The following IL1R1 variants were observed in gnomAD, a reference collection of about 807,000 sequenced individuals.
IL1R1 encodes interleukin-1 receptor type 1.
Under a neutral mutation model 50.2 loss-of-function variants are expected in IL1R1, and 22 were observed. The observed-to-expected ratio is 0.44, with a 90% CI of 0.31 to 0.63. The LOEUF is 0.63. Among genes scored for constraint, IL1R1 ranks in the 20% least tolerant of loss-of-function variants. The pLI, the probability that IL1R1 is intolerant of heterozygous loss-of-function variation, is 0.07. For synonymous variants in IL1R1, 251 were observed against 236.7 expected, an observed-to-expected ratio of 1.06 and a Z score of -0.55; for missense variants, 509 against 676.2, an observed-to-expected ratio of 0.75 and a Z score of 2.74.
At chr2:102,176,146 C>T in intron 11 of IL1R1, 2 of 530,662 alleles carry the variant, frequency 3.8e-6, no homozygotes, top group Non-Finnish European at 6.6e-6. Context: ...AAGATCACGC[C>T]ACTGCGCTCC....
intron 1 of IL1R1, among the ~76,000 whole-genome samples, chr2:102,076,566 G>T (rs1472830307): frequency 6.6e-6 from 1 of 152,144 alleles, no homozygotes; most frequent in Non-Finnish European, 1.5e-5. Flanking sequence ...ATTTCTGAAA[G>T]ACATTTTTGC....
At chr2:102,159,783 C>T (rs1442656232) in intron 3 of IL1R1, among the ~76,000 whole-genome samples, 2 of 152,282 alleles carry the variant, frequency 1.3e-5, no homozygotes, top group Admixed American at 6.5e-5. Context: ...AACCCTCTCT[C>T]TTCTTGCAAG....
chr2:102,108,239 TGTGG>T lies in IL1R1; in HGVS notation c.-84+3369_-84+3372del, dbSNP rs746846348. 2.4e-3 allele frequency among the ~76,000 whole-genome samples: 365 copies of T among 150,302 alleles called. 6 individuals carry two copies. In the East Asian group the frequency reaches 0.059, roughly 24 times the overall value. On this transcript the variant is annotated intron_variant, in intron 1 of 10. Transcript: ENST00000409329. ...GTGTGTGTGTATGTATGTGTGTGTG[TGTGG>T]GGGGGGGTGTGTATAACATATTTCT...
chr2:102,162,572 A>G (rs914429507), intron 3 of IL1R1, among the ~76,000 whole-genome samples: 1 of 150,804 alleles, frequency 6.6e-6, no homozygotes, highest in African/African-American at 2.4e-5. Context: ...TTTGTTGTGT[A>G]TGTGTTTTTT....
At chr2:102,141,132 GTAGCTTTCAGAAC>G (rs1236206160), upstream of IL1R1, among the ~76,000 whole-genome samples, 1 of 152,200 alleles carries the variant, frequency 6.6e-6, no homozygotes, top group Admixed American at 6.5e-5. Flanking sequence ...CCCACCTGCT[GTAGCTTTCAGAAC>G]TGCCATTTGG....
chr2:102,131,559 T>TA (rs901829871), intron 1 of IL1R1, among the ~76,000 whole-genome samples: 5 of 150,078 alleles, frequency 3.3e-5, no homozygotes, highest in Non-Finnish European at 3.0e-5. Flanking sequence ...ATTTCTGAGG[T>TA]AAAAAAAATG....
chr2:102,078,519 G>A (rs1679071006), intron 1 of IL1R1, among the ~76,000 whole-genome samples: 2 of 143,904 alleles, frequency 1.4e-5, no homozygotes, highest in African/African-American at 2.6e-5. Flanking sequence ...AATCTGAATG[G>A]GACTATAATA....
At chr2:102,099,449 C>T (rs1577838807) in intron 1 of IL1R1, among the ~76,000 whole-genome samples, 3 of 152,306 alleles carry the variant, frequency 2.0e-5, no homozygotes, top group Middle Eastern at 6.8e-3. Flanking sequence ...TCCTGGACGT[C>T]TATCCCATGG....
intron 1 of IL1R1, among the ~76,000 whole-genome samples, chr2:102,132,956 A>G (rs1364191710): frequency 2.6e-5 from 4 of 152,234 alleles, no homozygotes; most frequent in African/African-American, 9.6e-5. Context: ...GTAGTTAAAA[A>G]TCTTCCCACA....
intron 1 of IL1R1, among the ~76,000 whole-genome samples, chr2:102,108,310 T>C (rs1184018818): frequency 6.6e-6 from 1 of 152,082 alleles, no homozygotes; most frequent in Non-Finnish European, 1.5e-5. Context: ...GTTTAGTGTG[T>C]TACAGCAGTG....
chr2:102,098,209 T>A (rs2104330013), intron 1 of IL1R1, among the ~76,000 whole-genome samples: 1 of 152,242 alleles, frequency 6.6e-6, no homozygotes, highest in South Asian at 2.1e-4. Context: ...CCAATATCTA[T>A]TCTTGATACT....
At chr2:102,102,285 G>A, upstream of IL1R1, among the ~76,000 whole-genome samples, 1 of 152,144 alleles carries the variant, frequency 6.6e-6, no homozygotes. Flanking sequence ...GTAAATTGCG[G>A]TGGATCCCTG....
chr2:102,116,835 T>C (rs892992251), intron 1 of IL1R1, among the ~76,000 whole-genome samples: 1 of 152,180 alleles, frequency 6.6e-6, no homozygotes, highest in Non-Finnish European at 1.5e-5. Flanking sequence ...TCCTGGTGTC[T>C]TCTTTATGAC....
intron 1 of IL1R1, among the ~76,000 whole-genome samples, chr2:102,072,852 A>G (rs1266112438): frequency 6.6e-6 from 1 of 151,964 alleles, no homozygotes; most frequent in Non-Finnish European, 1.5e-5. Context: ...ACCATTTCCG[A>G]GTTTAATGTC....
chr2:102,149,054 C>T (rs906171553), intron 1 of IL1R1, among the ~76,000 whole-genome samples: 2 of 152,132 alleles, frequency 1.3e-5, no homozygotes, highest in African/African-American at 2.4e-5. Flanking sequence ...ATGTTTCCAC[C>T]GATTTTCAGT....
chr2:102,175,815 C>T, intron 11 of IL1R1, 170 bp downstream of exon 11: 1 of 675,904 alleles, frequency 1.5e-6, no homozygotes, highest in Non-Finnish European at 2.6e-6. Flanking sequence ...ATTTACTTCT[C>T]TCATATTTTG....
chr2:102,104,435 C>T (rs957366476), upstream of IL1R1: 8 of 152,312 alleles, frequency 5.3e-5, no homozygotes, highest in Admixed American at 3.3e-4. Context: ...GCACCAGCTT[C>T]GGGAAACTTT....
chr2:102,085,523 C>A (rs947293987), intron 1 of IL1R1, among the ~76,000 whole-genome samples: 8 of 151,982 alleles, frequency 5.3e-5, no homozygotes, highest in Admixed American at 2.0e-4. Context: ...AATCAGGTAA[C>A]TATGTAGGTG....
At chr2:102,140,263 A>G (rs1261968246), upstream of IL1R1, among the ~76,000 whole-genome samples, 1 of 152,246 alleles carries the variant, frequency 6.6e-6, no homozygotes, top group Non-Finnish European at 1.5e-5. Context: ...CACATGGGCC[A>G]TAGGAGATGC....
Sources: allele counts gnomAD v4.1 joint callset (sites outside exome capture counted in the v4.1 genomes callset), GRCh38; gene constraint gnomAD v4.1.1; transcripts MANE v1.5; gene names NCBI Gene and HGNC (gene_info 2026-07-23, HGNC 2026-07-21).